Variants in KLHL18 observed in about 807,000 individuals in gnomAD.
KLHL18 encodes the protein kelch like family member 18.
In KLHL18, 38 loss-of-function variants were observed where a neutral mutation model predicts 58.5. The ratio of observed to expected loss-of-function variants is 0.65; its 90% CI spans 0.50 to 0.85. KLHL18 has a LOEUF of 0.85. Ranked by LOEUF, KLHL18 falls within the 40% of genes least tolerant of loss-of-function variation. The pLI is 0.00. For missense variants in KLHL18, 624 were observed against 778.4 expected (o/e 0.80, Z 2.36); for synonymous variants, 303 against 301.9 (o/e 1.00, Z -0.04).
In KLHL18 at chr3:47,345,981, T is replaced by C. The variant is rs549600866; in HGVS notation, c.*2040T>C. 1 of 152,706 alleles carries C rather than the reference T, an allele frequency of 6.5e-6. No individual in the cohort carries two copies. The highest frequency in any genetic ancestry group is 2.4e-5 in the African/African-American group (1 of 41,570). 9.5% of individuals were successfully genotyped at this position (152,706 alleles called of 1,614,324 possible). A position where few individuals can be genotyped will look rare whatever the true frequency, so the allele number is the denominator to read the frequency against. On this transcript the variant is annotated 3_prime_UTR_variant, in exon 10 of 10. Transcript: ENST00000232766. ...GCTCGTGGTAGGGCTCCAGCATTTC[T>C]CCCTCCTTCCTGGTTTGCCTGTAGG... is the stretch of plus-strand genomic sequence containing the variant.
chr3:47,319,537 A>G, intron 1 of KLHL18, 116 bp from the exon 2 acceptor site: 1 of 1,109,734 alleles, frequency 9.0e-7, no homozygotes, highest in Non-Finnish European at 1.3e-6. Flanking sequence ...CCGCCTTTGC[A>G]GTGGGCAGTG....
rs368888782 is a variant in KLHL18 at position 47,324,428 on chromosome 3, C to T, written c.401+1720C>T. On this transcript the variant is annotated intron_variant, in intron 3 of 9. Transcript: ENST00000232766. ...CCTGGAAAGGATTGTTGACGAGCCT[C>T]GAATCTTCACCAATGGACAACAGCT... Among the ~76,000 whole-genome samples, 2 of 149,322 alleles carry T rather than the reference C, an allele frequency of 1.3e-5. 1 individual carries two copies. The highest frequency in any genetic ancestry group is 4.2e-4 in the South Asian group (2 of 4,736).
chr3:47,295,653 G>A (rs759104520), intron 1 of KLHL18, among the ~76,000 whole-genome samples: 8 of 151,302 alleles, frequency 5.3e-5, no homozygotes, highest in Non-Finnish European at 1.0e-4. Context: ...TTGTAACCTC[G>A]AATTCCTGGG....
At chr3:47,302,530 T>C (rs1472735232) in intron 1 of KLHL18, among the ~76,000 whole-genome samples, 2 of 152,172 alleles carry the variant, frequency 1.3e-5, no homozygotes, top group African/African-American at 4.8e-5. Context: ...ATATATTTAC[T>C]ATTCATTAAG....
Position 47,330,003 on chromosome 3 carries a change from T to C in KLHL18, c.454T>C (p.Cys152Arg), listed in dbSNP as rs1256124820. The C allele has an allele frequency of 6.2e-7, 1 of 1,614,058 alleles. No homozygotes were observed. The highest frequency in any genetic ancestry group is 1.3e-5 in the African/African-American group (1 of 74,908). The change falls in exon 4 of 10, where the codon TGT (cysteine) becomes CGT (arginine). Residue 152 changes from cysteine to arginine, a missense_variant. By Grantham distance (180) the Cys-to-Arg change is radical. Coordinates refer to ENST00000232766, the MANE Select transcript of KLHL18 (RefSeq NM_025010.5). ...GVRQFAETMMCAVLYDAANSF... is the reference protein window; with the variant it reads ...GVRQFAETMMRAVLYDAANSF... ...GCGCCAGTTTGCTGAGACAATGATGTGTGCTGTGCTGTACGACGCTGCCAA... is the reference window on the plus strand; with the variant it reads ...GCGCCAGTTTGCTGAGACAATGATGCGTGCTGTGCTGTACGACGCTGCCAA...
At chr3:47,305,017 C>A (rs1243997223) in intron 1 of KLHL18, among the ~76,000 whole-genome samples, 8 of 150,546 alleles carry the variant, frequency 5.3e-5, no homozygotes, top group Non-Finnish European at 1.0e-4. Flanking sequence ...AGAGGGAGAT[C>A]CTGTTTCAAA....
At position 47,283,113 on chromosome 3, in the gene KLHL18, C is replaced by T. The variant is rs1576119090; in HGVS notation, c.129+19C>T. The T allele has an allele frequency of 1.3e-6, 2 of 1,557,924 alleles. No homozygotes were observed. Among genetic ancestry groups the T allele is most frequent in the South Asian group, 1.2e-5 (1 of 85,198 alleles). On this transcript the variant is annotated intron_variant, in intron 1 of 9. Transcript: ENST00000232766. ...CCTCAAGGTACCGCGGACTGGGCGGCAGCGGGCTGAGGGAAAAGGGGTCGA... is the reference window on the plus strand; with the variant it reads ...CCTCAAGGTACCGCGGACTGGGCGGTAGCGGGCTGAGGGAAAAGGGGTCGA...
rs774918631 is a variant in KLHL18 at position 47,334,647 on chromosome 3, ATACCTCCTGT to A, written c.762-34_762-25del. Reference sequence around the variant, plus strand: ...TGCAAACGAGGACTAAGTCAGGGGGATACCTCCTGTTCTAGCATCTTCCACCTTATTCTAG... The same window carrying A: ...TGCAAACGAGGACTAAGTCAGGGGGATCTAGCATCTTCCACCTTATTCTAG... On this transcript the variant is annotated intron_variant, in intron 5 of 9. Coordinates refer to ENST00000232766, the MANE Select transcript of KLHL18 (RefSeq NM_025010.5). The surrounding 1 kb of genome is among the most constrained non-coding windows in gnomAD (Gnocchi z 4.7). 6.2e-7 allele frequency: 1 copy of A among 1,611,146 alleles called. No homozygotes were observed. The highest frequency in any genetic ancestry group is 1.1e-5 in the South Asian group (1 of 90,996).
intron 1 of KLHL18, among the ~76,000 whole-genome samples, chr3:47,316,481 A>G (rs1181054781): frequency 6.0e-5 from 1 of 16,682 alleles, no homozygotes; most frequent in African/African-American, 9.7e-5. Flanking sequence ...ATGTATATAT[A>G]TACATATATA....
At chr3:47,294,109 G>C (rs992012941) in intron 1 of KLHL18, among the ~76,000 whole-genome samples, 2 of 152,116 alleles carry the variant, frequency 1.3e-5, no homozygotes, top group Admixed American at 6.6e-5. Flanking sequence ...AATTCTTACC[G>C]ACCTTCTAGT....
chr3:47,341,638 T>TG (rs1395900322), intron 8 of KLHL18, among the ~76,000 whole-genome samples: 1 of 152,146 alleles, frequency 6.6e-6, no homozygotes, highest in Non-Finnish European at 1.5e-5. Flanking sequence ...AAGTGTTCAC[T>TG]GTAATCGAGA....
chr3:47,332,659 A>G (rs945973280), intron 4 of KLHL18, among the ~76,000 whole-genome samples: 11 of 152,074 alleles, frequency 7.2e-5, no homozygotes, highest in African/African-American at 2.4e-4. Flanking sequence ...GTAGGGCTTT[A>G]GAGGGAGAGG....
At chr3:47,316,521 A>G (rs78721295) in intron 1 of KLHL18, among the ~76,000 whole-genome samples, 97 of 3,846 alleles carry the variant, frequency 0.025, 4 homozygotes, top group Non-Finnish European at 0.13. Flanking sequence ...ACATATATAC[A>G]TATATATGTA....
chr3:47,332,318 G>T (rs1703882175), intron 4 of KLHL18, among the ~76,000 whole-genome samples: 1 of 151,822 alleles, frequency 6.6e-6, no homozygotes, highest in African/African-American at 2.4e-5. Flanking sequence ...TTGCGCCACT[G>T]CACTCCAGCC....
chr3:47,319,560 G>T, intron 1 of KLHL18, 93 bp from the exon 2 acceptor site: 2 of 1,404,136 alleles, frequency 1.4e-6, no homozygotes, highest in Non-Finnish European at 2.0e-6. Flanking sequence ...GTATGCTGTG[G>T]AGCCGGGCGG....
chr3:47,294,496 A>G (rs1018404396), intron 1 of KLHL18, among the ~76,000 whole-genome samples: 32 of 152,218 alleles, frequency 2.1e-4, no homozygotes, highest in Admixed American at 1.4e-3. Context: ...GGAGCAATCC[A>G]TGAGGATATC....
intron 1 of KLHL18, among the ~76,000 whole-genome samples, chr3:47,306,203 T>C (rs1438485744): frequency 6.6e-6 from 1 of 152,200 alleles, no homozygotes; most frequent in East Asian, 1.9e-4. Flanking sequence ...GCTTTAGATA[T>C]GTTGTATTTT....
At position 47,288,779 on chromosome 3, in the gene KLHL18, A is replaced by C. The variant is rs1163161235; in HGVS notation, c.129+5685A>C. Among the ~76,000 whole-genome samples the C allele has an allele frequency of 2.6e-5, 4 of 152,192 alleles. No individual in the cohort carries two copies. The East Asian group carries it at 7.7e-4, about 29-fold the overall frequency. Reference sequence around the variant, plus strand: ...AAAGCCCATGGTCCTTTTCCTTGGCAAATCATTTTATCTTAAAAGTTATGA... The same window carrying C: ...AAAGCCCATGGTCCTTTTCCTTGGCCAATCATTTTATCTTAAAAGTTATGA... On this transcript the variant is annotated intron_variant, in intron 1 of 9. Transcript: ENST00000232766.
intron 1 of KLHL18, among the ~76,000 whole-genome samples, chr3:47,305,416 T>C (rs928625406): frequency 2.1e-5 from 3 of 142,800 alleles, no homozygotes; most frequent in Non-Finnish European, 4.5e-5. Context: ...CTGGATTACA[T>C]AGATTTATTT....
Sources: allele counts gnomAD v4.1 joint callset (sites outside exome capture counted in the v4.1 genomes callset), GRCh38; gene constraint gnomAD v4.1.1; non-coding constraint Gnocchi (gnomAD v3.1); transcripts MANE v1.5; gene names NCBI Gene and HGNC (gene_info 2026-07-23, HGNC 2026-07-21).